Variants in ENOX1 observed in about 807,000 individuals in gnomAD.
ENOX1 encodes the protein candidate growth-related and time keeping constitutive hydroquinone (NADH) oxidase.
ENOX1 carries 42 observed loss-of-function variants against 82.5 expected under a neutral mutation model. That is an observed-to-expected ratio of 0.51 (90% CI 0.40 to 0.66). ENOX1 has a LOEUF of 0.66. Among genes scored for constraint, ENOX1 ranks in the 30% least tolerant of loss-of-function variants. The pLI is 0.00. For missense variants in ENOX1, 608 were observed against 811.6 expected, an observed-to-expected ratio of 0.75 and a Z score of 3.05; for synonymous variants, 271 against 282.2, an observed-to-expected ratio of 0.96 and a Z score of 0.40.
At chr13:43,701,878 G>T (rs1038987281) in intron 1 of ENOX1, among the ~76,000 whole-genome samples, 1 of 152,142 alleles carries the variant, frequency 6.6e-6, no homozygotes, top group Non-Finnish European at 1.5e-5. Context: ...ACATGTGTAT[G>T]TATGTATGTA....
At chr13:43,604,562 G>A (rs2081894104) in intron 2 of ENOX1, among the ~76,000 whole-genome samples, 1 of 152,070 alleles carries the variant, frequency 6.6e-6, no homozygotes, top group South Asian at 2.1e-4. Context: ...TGCTTATTCA[G>A]CATCAATTGA....
At chr13:43,734,521 G>A (rs1191747808) in intron 1 of ENOX1, among the ~76,000 whole-genome samples, 1 of 152,150 alleles carries the variant, frequency 6.6e-6, no homozygotes, top group East Asian at 1.9e-4. Flanking sequence ...AGGTCATCCT[G>A]CCTTCCTTTC....
chr13:43,289,619 A>T (rs2045889567), intron 12 of ENOX1, among the ~76,000 whole-genome samples: 1 of 152,206 alleles, frequency 6.6e-6, no homozygotes, highest in African/African-American at 2.4e-5. Flanking sequence ...AAACTATAAA[A>T]ATCCTAGAAG....
intron 1 of ENOX1, among the ~76,000 whole-genome samples, chr13:43,755,611 A>T (rs1200797045): frequency 1.3e-5 from 2 of 152,210 alleles, no homozygotes; most frequent in Non-Finnish European, 2.9e-5. Context: ...AAGCCTAGAT[A>T]AGCAAACTAA....
At chr13:43,756,957 C>T (rs951914313) in intron 1 of ENOX1, among the ~76,000 whole-genome samples, 10 of 16,696 alleles carry the variant, frequency 6.0e-4, no homozygotes, top group Non-Finnish European at 1.1e-3. Flanking sequence ...GTCTCAACAA[C>T]AACAAAAACA....
chr13:43,536,678 C>T (rs1481599696), intron 2 of ENOX1, among the ~76,000 whole-genome samples: 2 of 152,186 alleles, frequency 1.3e-5, no homozygotes, highest in Non-Finnish European at 2.9e-5. Flanking sequence ...CTTCAAAATA[C>T]ATCACCACCT....
intron 3 of ENOX1, among the ~76,000 whole-genome samples, chr13:43,467,589 T>C (rs1324889342): frequency 1.3e-5 from 2 of 152,084 alleles, no homozygotes; most frequent in African/African-American, 4.8e-5. Context: ...TTGCAAATAT[T>C]TTCTTCCATC....
intron 2 of ENOX1, among the ~76,000 whole-genome samples, chr13:43,562,116 T>A (rs1034783700): frequency 4.6e-5 from 7 of 151,926 alleles, no homozygotes; most frequent in Non-Finnish European, 1.0e-4. Flanking sequence ...GAACACCATA[T>A]CTTGAGTAGA....
chr13:43,271,893 T>C (rs1189317771), intron 12 of ENOX1, among the ~76,000 whole-genome samples: 1 of 152,194 alleles, frequency 6.6e-6, no homozygotes, highest in African/African-American at 2.4e-5. Flanking sequence ...GTCATTGTTT[T>C]GTGTGTTTTT....
At chr13:43,222,489 T>C (rs1360523970) in intron 16 of ENOX1, among the ~76,000 whole-genome samples, 1 of 152,148 alleles carries the variant, frequency 6.6e-6, no homozygotes, top group Non-Finnish European at 1.5e-5. Flanking sequence ...CCTGAAATTC[T>C]TTGATAAACG....
chr13:43,713,396 C>A (rs979777852), intron 1 of ENOX1, among the ~76,000 whole-genome samples: 1 of 152,120 alleles, frequency 6.6e-6, no homozygotes, highest in African/African-American at 2.4e-5. Flanking sequence ...TGTCTCTGCC[C>A]GGCTTTGGTA....
chr13:43,265,278 T>A (rs527834385), intron 14 of ENOX1, 120 bp downstream of exon 14: 1 of 789,024 alleles, frequency 1.3e-6, no homozygotes, highest in East Asian at 2.7e-5. Context: ...CATATATTAA[T>A]CTTAAGCTGC....
rs201793429 is a variant in ENOX1 at position 43,372,685 on chromosome 13, A to AAATAGG, written c.209-11239_209-11234dup. 4.5e-3 allele frequency among the ~76,000 whole-genome samples: 680 copies of AAATAGG among 152,374 alleles called. 2 individuals are homozygous for AAATAGG. Among genetic ancestry groups the AAATAGG allele is most frequent in the Admixed American group, 9.1e-3 (139 of 15,312 alleles). On this transcript the variant is annotated intron_variant, in intron 5 of 16. Transcript: ENST00000690772. ...TTCACTCATCTGCTATTAAAATTTT[A>AAATAGG]AATAGGAAGCATAAACCATATGAAA...
intron 15 of ENOX1, among the ~76,000 whole-genome samples, chr13:43,234,725 T>C (rs926420404): frequency 2.0e-5 from 3 of 152,228 alleles, no homozygotes; most frequent in Non-Finnish European, 4.4e-5. Flanking sequence ...TAGCATGTTA[T>C]AAATGTAATC....
At chr13:43,220,377 A>G (rs1015572413) in intron 16 of ENOX1, among the ~76,000 whole-genome samples, 1 of 152,194 alleles carries the variant, frequency 6.6e-6, no homozygotes, top group Admixed American at 6.5e-5. Context: ...GCTGTTAATC[A>G]TGACTCACAG....
At chr13:43,405,024 CCAT>C (rs1481892209) in intron 5 of ENOX1, among the ~76,000 whole-genome samples, 1 of 152,078 alleles carries the variant, frequency 6.6e-6, no homozygotes, top group Non-Finnish European at 1.5e-5. Context: ...GAGAATGCCA[CCAT>C]TAATATCTGA....
chr13:43,734,199 GGTTGTTGTTGTTGTTGTTGTTGTT>G (rs143259339), intron 1 of ENOX1, among the ~76,000 whole-genome samples: 45 of 151,078 alleles, frequency 3.0e-4, no homozygotes, highest in Admixed American at 9.2e-4. Flanking sequence ...TTTTGTTGTT[GGTTGTTGTTGTTGTTGTTGTTGTT>G]GTTGTTGTTG....
Position 43,606,553 on chromosome 13 carries a change from A to C in ENOX1, c.-219+60926T>G, listed in dbSNP as rs570282860. Among the ~76,000 whole-genome samples the C allele has an allele frequency of 7.9e-5, 12 of 152,340 alleles. No individual in the cohort carries two copies. In the South Asian group the frequency reaches 1.7e-3, roughly 21 times the overall value. ...TGAAATAAGCCAGGAATGGAAAGACAAACTTCTCATGTTCTTACTTATTTG... is the reference window on the plus strand; with the variant it reads ...TGAAATAAGCCAGGAATGGAAAGACCAACTTCTCATGTTCTTACTTATTTG... On this transcript the variant is annotated intron_variant, in intron 2 of 16. Transcript: ENST00000690772.
At position 43,786,919 on chromosome 13, in the gene ENOX1, T is replaced by A. The variant is rs1952671665; in HGVS notation, c.-552A>T. The A allele has an allele frequency of 6.7e-6, 1 of 149,436 alleles. No homozygotes were observed. Among genetic ancestry groups the A allele is most frequent in the Non-Finnish European group, 1.5e-5 (1 of 67,322 alleles). 9.3% of individuals were successfully genotyped at this position (149,436 alleles called of 1,614,324 possible). A position where few individuals can be genotyped will look rare whatever the true frequency, so the allele number is the denominator to read the frequency against. On this transcript the variant is annotated 5_prime_UTR_variant, in exon 1 of 17. Transcript: ENST00000690772. The surrounding 1 kb of genome is among the most constrained non-coding windows in gnomAD (Gnocchi z 6.0). ...AGAGCGGGGATCTGCTGAGGGGCGC[T>A]GGAGACTCCGCGGCTGGAGGCGCGC...
Sources: gnomAD v4.1 joint callset for allele counts (sites outside exome capture counted in the v4.1 genomes callset) on GRCh38, gnomAD v4.1.1 for gene constraint, Gnocchi (gnomAD v3.1) non-coding constraint, MANE v1.5 for transcripts, NCBI Gene and HGNC (gene_info 2026-07-23, HGNC 2026-07-21) for gene names.